DMD: variants seen among roughly 807,000 people sequenced by gnomAD.
DMD encodes dystrophin.
Under a neutral mutation model 330.1 loss-of-function variants are expected in DMD, and 63 were observed. That is an observed-to-expected ratio of 0.19 (90% confidence interval 0.16 to 0.24). The LOEUF (loss-of-function observed/expected upper bound fraction) is 0.24. DMD is among the 10% of genes least tolerant of loss of function. The pLI, the probability that DMD is intolerant of heterozygous loss-of-function variation, is 1.00. For synonymous variants in DMD, 1,223 were observed against 959.8 expected (o/e 1.27, Z -5.07); for missense variants, 3,344 against 2,684.1 (o/e 1.25, Z -5.43).
chrX:32,843,323 C>G (rs974240552), intron 4 of DMD, among the ~76,000 whole-genome samples: 3 of 112,094 alleles, frequency 2.7e-5, no homozygotes, highest in Non-Finnish European at 5.6e-5. Flanking sequence ...ATATTGTTAA[C>G]AATTCTCATA....
intron 9 of DMD, among the ~76,000 whole-genome samples, chrX:32,693,217 C>T (rs1205672917): frequency 9.0e-6 from 1 of 111,707 alleles, no homozygotes; most frequent in Non-Finnish European, 1.9e-5. Context: ...TCCTCTACAG[C>T]CTCCAAAAGG....
intron 1 of DMD, among the ~76,000 whole-genome samples, chrX:33,301,962 G>A (rs2053670928): frequency 9.0e-6 from 1 of 111,366 alleles, no homozygotes; most frequent in African/African-American, 3.3e-5. Flanking sequence ...AAGATATTAA[G>A]TTTTAATATT....
intron 2 of DMD, among the ~76,000 whole-genome samples, chrX:32,852,834 C>CA (rs111268245): frequency 2.7e-4 from 30 of 110,457 alleles, no homozygotes; most frequent in African/African-American, 9.2e-4. Context: ...AAGAATGGGA[C>CA]AAACTTTGTA....
At chrX:31,380,260 T>C (rs896854013) in intron 60 of DMD, among the ~76,000 whole-genome samples, 6 of 110,768 alleles carry the variant, frequency 5.4e-5, no homozygotes, top group Non-Finnish European at 1.1e-4. Context: ...AGTTCCCTAT[T>C]AGGCCGAGAC....
At chrX:33,002,062 A>T (rs2093292891) in intron 2 of DMD, among the ~76,000 whole-genome samples, 1 of 111,327 alleles carries the variant, frequency 9.0e-6, no homozygotes, top group Non-Finnish European at 1.9e-5. Flanking sequence ...TTGCCTATTC[A>T]TTCCCCTTTT....
At chrX:32,054,607 G>A (rs1287953616) in intron 44 of DMD, among the ~76,000 whole-genome samples, 4 of 108,464 alleles carry the variant, frequency 3.7e-5, no homozygotes, top group African/African-American at 1.3e-4. Context: ...CATAACAAGT[G>A]TTTGCCAAAG....
At chrX:33,045,315 T>TACAAACACACACACACAC (rs2094363244) in intron 1 of DMD, among the ~76,000 whole-genome samples, 1 of 96,725 alleles carries the variant, frequency 1.0e-5, no homozygotes, top group Non-Finnish European at 2.1e-5. Context: ...CACAGGTGCG[T>TACAAACACACACACACAC]ACACACACAC....
chrX:32,209,004 T>A (rs1206135753), intron 44 of DMD, among the ~76,000 whole-genome samples: 1 of 112,065 alleles, frequency 8.9e-6, no homozygotes, highest in East Asian at 2.8e-4. Flanking sequence ...GTATCATTTT[T>A]AAATTTATTT....
upstream of DMD, among the ~76,000 whole-genome samples, chrX:33,216,125 C>T (rs573260287): frequency 1.2e-4 from 13 of 111,818 alleles, no homozygotes; most frequent in South Asian, 4.4e-3. Context: ...GGCAGTATGG[C>T]CATTTTAACA....
intron 21 of DMD, among the ~76,000 whole-genome samples, chrX:32,483,200 A>C (rs917958371): frequency 1.2e-5 from 1 of 85,142 alleles, no homozygotes; most frequent in African/African-American, 3.9e-5. Context: ...TTATTAATCT[A>C]GACAAGCATT....
At chrX:31,178,547 T>C (rs2040802259) in intron 70 of DMD, 122 bp downstream of exon 70, 2 of 1,047,315 alleles carry the variant, frequency 1.9e-6, no homozygotes, top group South Asian at 3.4e-5. Flanking sequence ...TTTCAGCTAA[T>C]GTAAATAAAA....
intron 1 of DMD, among the ~76,000 whole-genome samples, chrX:33,327,897 A>G (rs1035102620): frequency 1.8e-5 from 2 of 112,081 alleles, no homozygotes; most frequent in African/African-American, 6.5e-5. Flanking sequence ...GTTGTTCCAA[A>G]GATTAGCTAA....
intron 62 of DMD, among the ~76,000 whole-genome samples, chrX:31,273,540 T>C (rs948069659): frequency 8.9e-6 from 1 of 112,492 alleles, no homozygotes; most frequent in Non-Finnish European, 1.9e-5. Context: ...ACTCTAGACT[T>C]GCTTCTTGAG....
At chrX:31,194,204 A>T (rs929105588) in intron 67 of DMD, among the ~76,000 whole-genome samples, 1 of 111,345 alleles carries the variant, frequency 9.0e-6, no homozygotes, top group Non-Finnish European at 1.9e-5. Flanking sequence ...CAATGTCATG[A>T]AAGGAAAACA....
chrX:31,871,546 G>A (rs1569489953), intron 48 of DMD, among the ~76,000 whole-genome samples: 1 of 110,913 alleles, frequency 9.0e-6, no homozygotes, highest in African/African-American at 3.3e-5. Flanking sequence ...CAAACTACCC[G>A]AATGGCAAGG....
rs79033051 is a variant in DMD, at chrX:32,759,854, G to A, written c.649+49639C>T. On this transcript the variant is annotated intron_variant, in intron 7 of 78. Transcript: ENST00000357033. Reference sequence around the variant, plus strand: ...ATGCAGGTTTTTCTTGGGGGGGGGGGGGGGGCGGGGGAAGACCCAGGCAGG... The same window carrying A: ...ATGCAGGTTTTTCTTGGGGGGGGGGAGGGGGCGGGGGAAGACCCAGGCAGG... Among the ~76,000 whole-genome samples, 42 of 62,944 alleles carry A rather than the reference G, an allele frequency of 6.7e-4. 1 individual carries two copies. In the East Asian group the frequency reaches 0.024, roughly 36 times the overall value. The allele number at this position is 62,944 out of a possible 115,157, so 54.7% of individuals were successfully genotyped here.
chrX:32,945,737 T>A (rs2090759717), intron 2 of DMD, among the ~76,000 whole-genome samples: 3 of 111,673 alleles, frequency 2.7e-5, no homozygotes, highest in Non-Finnish European at 5.7e-5. Flanking sequence ...GACAGATTCT[T>A]TTCATTTATC....
At chrX:32,432,657 C>T (rs1252085881) in intron 29 of DMD, among the ~76,000 whole-genome samples, 1 of 112,019 alleles carries the variant, frequency 8.9e-6, no homozygotes, top group Non-Finnish European at 1.9e-5. Flanking sequence ...AAAGGACTGA[C>T]GTAAAACTGT....
intron 44 of DMD, among the ~76,000 whole-genome samples, chrX:32,018,559 A>G (rs1000194085): frequency 1.8e-5 from 2 of 112,065 alleles, no homozygotes; most frequent in African/African-American, 6.5e-5. Flanking sequence ...CCTAAGGCCA[A>G]TTCAGATCCT....
Sources: allele counts gnomAD v4.1 joint callset (sites outside exome capture counted in the v4.1 genomes callset), GRCh38; gene constraint gnomAD v4.1.1; transcripts MANE v1.5; gene names NCBI Gene and HGNC (gene_info 2026-07-23, HGNC 2026-07-21).